ZNF385A: variants seen among roughly 807,000 people sequenced by gnomAD.
ZNF385A encodes the protein hematopoietic zinc finger protein.
A neutral mutation model predicts 32.1 loss-of-function variants in ZNF385A; 14 were observed. The observed-to-expected ratio is 0.44, with a 90% CI of 0.29 to 0.68. The LOEUF (loss-of-function observed/expected upper bound fraction) is 0.68. ZNF385A is among the 30% of genes least tolerant of loss of function. ZNF385A has a pLI of 0.14. For synonymous variants in ZNF385A, 197 were observed against 202.7 expected, an observed-to-expected ratio of 0.97 and a Z score of 0.24; for missense variants, 406 against 478.4, an observed-to-expected ratio of 0.85 and a Z score of 1.41.
At position 54,370,158 on chromosome 12, in the gene ZNF385A, C is replaced by G; in HGVS notation, c.*98G>C. ...GGGGTGGGGGGGGGGAAGGAGAGAT[C>G]ATTTAGGGAGTGCCGGGAGGAGGGG... On this transcript the variant is annotated 3_prime_UTR_variant, in exon 7 of 7. Coordinates refer to ENST00000394313, the MANE Select transcript of ZNF385A (RefSeq NM_015481.3). This position sits in a 1 kb window ranked among gnomAD's most constrained non-coding sequence, Gnocchi z 5.5. 2.2e-6 allele frequency: 2 copies of G among 902,122 alleles called. No homozygotes were observed. The highest frequency in any genetic ancestry group is 3.2e-6 in the Non-Finnish European group (2 of 632,948). 55.9% of individuals were successfully genotyped at this position (902,122 alleles called of 1,614,324 possible). A position where few individuals can be genotyped will look rare whatever the true frequency, so the allele number is the denominator to read the frequency against.
chr12:54,371,491 G>A lies in ZNF385A; in HGVS notation c.586C>T (p.Leu196Phe). 6.2e-7 allele frequency: 1 copy of A among 1,609,226 alleles called. No individual in the cohort carries two copies. Among genetic ancestry groups the A allele is most frequent in the Non-Finnish European group, 8.5e-7 (1 of 1,178,200 alleles). ...CKVAVNSLSQ[L>F]EAHNKGTKHK... ...TCCATACCTTTGTTATGTGCCTCAA[G>A]CTGGGACAGGGAGTTCACAGCCACC... Residue 196 changes from leucine to phenylalanine, a missense_variant, in exon 4 of 7, where the codon CTT (leucine) becomes TTT (phenylalanine). Leu to Phe is a conservative substitution (Grantham distance 22, BLOSUM62 0). Coordinates refer to ENST00000394313, the MANE Select transcript of ZNF385A (RefSeq NM_015481.3).
intron 1 of ZNF385A, among the ~76,000 whole-genome samples, chr12:54,378,808 G>A (rs1358800416): frequency 6.6e-6 from 1 of 152,114 alleles, no homozygotes; most frequent in Non-Finnish European, 1.5e-5. Flanking sequence ...GGACCTGACA[G>A]GAAGTCTGAA....
At chr12:54,378,528 G>T (rs1213165318) in intron 1 of ZNF385A, among the ~76,000 whole-genome samples, 1 of 152,176 alleles carries the variant, frequency 6.6e-6, no homozygotes, top group East Asian at 1.9e-4. Flanking sequence ...GGGGTGCTAT[G>T]ATTATATTTC....
chr12:54,375,138 C>A (rs1954774203), intron 2 of ZNF385A, among the ~76,000 whole-genome samples: 1 of 152,048 alleles, frequency 6.6e-6, no homozygotes, highest in Non-Finnish European at 1.5e-5. Flanking sequence ...CCCTACTCAG[C>A]AGAACGAGGC....
At position 54,370,743 on chromosome 12, in the gene ZNF385A, G is replaced by C. The variant is rs745864910; in HGVS notation, c.775-22C>G. The C allele has an allele frequency of 5.7e-6, 9 of 1,578,524 alleles. No homozygotes were observed. The highest frequency in any genetic ancestry group is 1.8e-5 in the Admixed American group (1 of 55,280). ...TGTGCTGCGGGGGCCAGTGGATAGG[G>C]GGCTGTGAGCTCCCGGAAAGGGGCA... is the stretch of plus-strand genomic sequence containing the variant. On this transcript the variant is annotated intron_variant, in intron 5 of 6. Transcript: ENST00000394313. This position sits in a 1 kb window ranked among gnomAD's most constrained non-coding sequence, Gnocchi z 5.5.
chr12:54,389,803 T>C (rs576205475), intron 1 of ZNF385A, among the ~76,000 whole-genome samples: 3 of 152,158 alleles, frequency 2.0e-5, no homozygotes, highest in South Asian at 2.1e-4. Context: ...GTGGTATTCA[T>C]AGAAGGGTGG....
chr12:54,371,410 G>A (rs1954543808), intron 4 of ZNF385A, 63 bp downstream of exon 4: 4 of 1,566,378 alleles, frequency 2.6e-6, no homozygotes, highest in Non-Finnish European at 3.4e-6. Flanking sequence ...AGGGGCATTA[G>A]GATGTAGAGG....
chr12:54,376,528 A>G (rs937908711), intron 1 of ZNF385A, among the ~76,000 whole-genome samples: 4 of 152,184 alleles, frequency 2.6e-5, no homozygotes, highest in Non-Finnish European at 5.9e-5. Flanking sequence ...AGCAACTTCT[A>G]GAGGGAGTAA....
At position 54,384,458 on chromosome 12, in the gene ZNF385A, A is replaced by G. The variant is rs1293597104; in HGVS notation, c.57T>C (p.Pro19=). The G allele has an allele frequency of 1.9e-6, 3 of 1,593,566 alleles. No homozygotes were observed. Among genetic ancestry groups the G allele is most frequent in the Non-Finnish European group, 2.6e-6 (3 of 1,170,390 alleles). Reference sequence around the variant, plus strand: ...TGTAGTTGCTGAAGAGGCCAAGGGTAGGGGCTGGCTCGAGTGGGAAGGGCA... The same window carrying G: ...TGTAGTTGCTGAAGAGGCCAAGGGTGGGGGCTGGCTCGAGTGGGAAGGGCA... ...QILPFPLEPA[P]TLGLFSNYST... The change falls in exon 1 of 7, where the codon CCT becomes CCC. Residue 19 remains proline, a synonymous_variant. Coordinates refer to ENST00000394313, the MANE Select transcript of ZNF385A (RefSeq NM_015481.3).
At chr12:54,372,096 C>T (rs1286238398) in intron 3 of ZNF385A, among the ~76,000 whole-genome samples, 1 of 152,162 alleles carries the variant, frequency 6.6e-6, no homozygotes, top group East Asian at 1.9e-4. Flanking sequence ...TCTTGCCCAG[C>T]CCCCAGGAAG....
intron 1 of ZNF385A, among the ~76,000 whole-genome samples, chr12:54,378,599 C>A (rs550975503): frequency 6.6e-6 from 1 of 152,184 alleles, no homozygotes; most frequent in African/African-American, 2.4e-5. Context: ...CACTTCCCCA[C>A]CCACCAAAAT....
chr12:54,381,994 C>A, intron 1 of ZNF385A, among the ~76,000 whole-genome samples: 1 of 152,120 alleles, frequency 6.6e-6, no homozygotes, highest in Admixed American at 6.5e-5. Flanking sequence ...GTAACTGAGT[C>A]CCGTGTCCCT....
chr12:54,371,890 G>A (rs1954573679), intron 3 of ZNF385A, among the ~76,000 whole-genome samples, 175 bp from the exon 4 acceptor site: 1 of 152,238 alleles, frequency 6.6e-6, no homozygotes, highest in Admixed American at 6.5e-5. Flanking sequence ...AGCTGCCGCA[G>A]GCTGGGTGTG....
At position 54,371,473 on chromosome 12, in the gene ZNF385A, C is replaced by G. The variant is rs984220352; in HGVS notation, c.604G>C (p.Gly202Arg). Residue 202 changes from glycine to arginine, a missense_variant and splice_region_variant, in exon 4 of 7, where the codon GGT becomes CGT. Gly to Arg is a moderately radical substitution (Grantham distance 125, BLOSUM62 -2). Transcript: ENST00000394313. ...SLSQLEAHNKGTKHKTILEAR... is the reference protein window; with the variant it reads ...SLSQLEAHNKRTKHKTILEAR... Reference sequence around the variant, plus strand: ...TGGGTGGGGGCAGGGGAGTCCATACCTTTGTTATGTGCCTCAAGCTGGGAC... The same window carrying G: ...TGGGTGGGGGCAGGGGAGTCCATACGTTTGTTATGTGCCTCAAGCTGGGAC... 1.2e-6 allele frequency: 2 copies of G among 1,605,868 alleles called. No individual in the cohort carries two copies. Among genetic ancestry groups the G allele is most frequent in the Non-Finnish European group, 1.7e-6 (2 of 1,177,580 alleles).
In ZNF385A at chr12:54,370,086, G is replaced by GC. The variant is rs1954434290; in HGVS notation, c.*169dup. On this transcript the variant is annotated 3_prime_UTR_variant, in exon 7 of 7. Transcript: ENST00000394313. The surrounding 1 kb of genome is among the most constrained non-coding windows in gnomAD (Gnocchi z 5.5). ...TCTGGGGTGTTCCCCCCCTTCTGAA[G>GC]CCCCCCTCCCCCGCTACCCCTCCCC... 1 of 515,682 alleles carries GC rather than the reference G, an allele frequency of 1.9e-6. No individual in the cohort carries two copies. The highest frequency in any genetic ancestry group is 3.3e-6 in the Non-Finnish European group (1 of 306,188). The allele number at this position is 515,682 out of a possible 1,614,324, so 31.9% of individuals were successfully genotyped here.
chr12:54,371,198 G>A, intron 4 of ZNF385A, 102 bp from the exon 5 acceptor site: 4 of 1,332,158 alleles, frequency 3.0e-6, no homozygotes, highest in Non-Finnish European at 4.0e-6. Context: ...AGGGGGAAGA[G>A]GGTGGGCACA....
At chr12:54,379,178 G>A in intron 1 of ZNF385A, 3 of 981,074 alleles carry the variant, frequency 3.1e-6, no homozygotes, top group Non-Finnish European at 2.4e-6. Context: ...TTGCCCGGGC[G>A]GCTCGGGGCT....
chr12:54,385,613 T>C (rs1446365767), upstream of ZNF385A: 25 of 984,934 alleles, frequency 2.5e-5, no homozygotes, highest in Non-Finnish European at 3.0e-5. Flanking sequence ...TTGACTTTAC[T>C]AGAGCAGAAG....
At chr12:54,381,366 C>G (rs899391876) in intron 1 of ZNF385A, 30 of 152,170 alleles carry the variant, frequency 2.0e-4, no homozygotes, top group African/African-American at 7.2e-4. Context: ...GGATGCAGTT[C>G]AACACCCTGC....
Sources: gnomAD v4.1 joint callset for allele counts (sites outside exome capture counted in the v4.1 genomes callset) on GRCh38, gnomAD v4.1.1 for gene constraint, Gnocchi (gnomAD v3.1) non-coding constraint, MANE v1.5 for transcripts, NCBI Gene and HGNC (gene_info 2026-07-23, HGNC 2026-07-21) for gene names.